The following MAGI2 variants were observed in gnomAD, a reference collection of about 807,000 sequenced individuals.
The protein encoded by MAGI2 is membrane-associated guanylate kinase, WW and PDZ domain-containing protein 2.
MAGI2 carries 35 observed loss-of-function variants against 133.3 expected under a neutral mutation model. That is an observed-to-expected ratio of 0.26 (90% CI 0.20 to 0.35). MAGI2 has a LOEUF of 0.35. MAGI2 is among the 10% of genes least tolerant of loss of function. The probability of loss-of-function intolerance (pLI) is 1.00; values close to 1 mark genes in which losing one functional copy is unlikely to be tolerated. For synonymous variants in MAGI2, 729 were observed against 710.6 expected (o/e 1.03, Z -0.41); for missense variants, 1,636 against 1,863.4 (o/e 0.88, Z 2.25).
chr7:78,691,996 G>C (rs563381816), intron 2 of MAGI2, among the ~76,000 whole-genome samples: 1 of 152,064 alleles, frequency 6.6e-6, no homozygotes, highest in African/African-American at 2.4e-5. Flanking sequence ...TTTTGCATGC[G>C]TCGGGGCAGG....
At chr7:78,779,403 A>C (rs1826230163) in intron 2 of MAGI2, among the ~76,000 whole-genome samples, 1 of 152,168 alleles carries the variant, frequency 6.6e-6, no homozygotes, top group Non-Finnish European at 1.5e-5. Flanking sequence ...TACTTTCCTG[A>C]AGGCACCTGA....
chr7:78,795,677 A>T (rs37867), intron 2 of MAGI2, among the ~76,000 whole-genome samples: 9 of 151,980 alleles, frequency 5.9e-5, no homozygotes, highest in Admixed American at 1.3e-4. Flanking sequence ...GAATCACAAA[A>T]GGCTCCAAAT....
chr7:79,327,770 G>A (rs895681288), intron 1 of MAGI2, among the ~76,000 whole-genome samples: 4 of 152,000 alleles, frequency 2.6e-5, no homozygotes, highest in African/African-American at 7.2e-5. Flanking sequence ...GTAAAACACA[G>A]TCAAATGCAA....
intron 6 of MAGI2, among the ~76,000 whole-genome samples, chr7:78,478,028 C>T (rs1288890003): frequency 2.0e-5 from 3 of 151,760 alleles, no homozygotes; most frequent in Admixed American, 2.0e-4. Context: ...CACCCATTAA[C>T]CCATCATCTA....
At chr7:79,089,401 C>T (rs1816844241) in intron 1 of MAGI2, among the ~76,000 whole-genome samples, 1 of 152,056 alleles carries the variant, frequency 6.6e-6, no homozygotes, top group Admixed American at 6.6e-5. Context: ...TGTGGTGATT[C>T]CTCAAGGATC....
At chr7:78,600,424 A>C (rs1805076819) in intron 3 of MAGI2, among the ~76,000 whole-genome samples, 1 of 152,108 alleles carries the variant, frequency 6.6e-6, no homozygotes, top group Non-Finnish European at 1.5e-5. Flanking sequence ...CTATCCATGA[A>C]ATAAAAATAT....
chr7:78,574,597 A>G (rs1366466848), intron 3 of MAGI2, among the ~76,000 whole-genome samples: 1 of 152,220 alleles, frequency 6.6e-6, no homozygotes, highest in Non-Finnish European at 1.5e-5. Context: ...TGTTTAACAT[A>G]TAGTTAGATC....
At chr7:79,290,158 C>A (rs373437289) in intron 1 of MAGI2, among the ~76,000 whole-genome samples, 1 of 151,950 alleles carries the variant, frequency 6.6e-6, no homozygotes, top group East Asian at 1.9e-4. Context: ...TTAGTGACTT[C>A]TAAGGGTACT....
chr7:79,406,565 CTT>C lies in MAGI2; in HGVS notation c.301+46453_301+46454del, dbSNP rs1298805354. Among the ~76,000 whole-genome samples the C allele has an allele frequency of 2.6e-5, 4 of 152,022 alleles. No individual in the cohort carries two copies. The South Asian group carries it at 8.3e-4, about 32-fold the overall frequency. Reference sequence around the variant, plus strand: ...AAGGTTGGGAGGCTGAACCAGGAAACTTTGAGTTTATGTCAATAAACAGGTTC... The same window carrying C: ...AAGGTTGGGAGGCTGAACCAGGAAACTGAGTTTATGTCAATAAACAGGTTC... On this transcript the variant is annotated intron_variant, in intron 1 of 21. Transcript: ENST00000354212.
chr7:78,843,113 T>C (rs989033604), intron 2 of MAGI2, among the ~76,000 whole-genome samples: 2 of 151,878 alleles, frequency 1.3e-5, no homozygotes, highest in African/African-American at 4.8e-5. Context: ...AGGAGTCTTG[T>C]GTGTTATAGG....
At chr7:78,150,701 T>G (rs1214822380) in intron 16 of MAGI2, among the ~76,000 whole-genome samples, 2 of 152,210 alleles carry the variant, frequency 1.3e-5, no homozygotes, top group African/African-American at 2.4e-5. Context: ...GGTAAGAAGA[T>G]ATCCACCTTA....
intron 9 of MAGI2, among the ~76,000 whole-genome samples, chr7:78,266,078 G>A (rs938825606): frequency 6.6e-6 from 1 of 152,212 alleles, no homozygotes; most frequent in Non-Finnish European, 1.5e-5. Context: ...AAGGATGGAT[G>A]CATCCATTTC....
intron 1 of MAGI2, among the ~76,000 whole-genome samples, chr7:79,398,309 G>A (rs189702905): frequency 5.9e-5 from 9 of 152,188 alleles, no homozygotes; most frequent in East Asian, 3.9e-4. Flanking sequence ...CTATCCATTC[G>A]GCCTGTGTCT....
At chr7:78,876,285 G>A (rs1795411169) in intron 2 of MAGI2, among the ~76,000 whole-genome samples, 1 of 124,228 alleles carries the variant, frequency 8.0e-6, no homozygotes, top group African/African-American at 3.0e-5. Flanking sequence ...TCACGCCACT[G>A]CACTCCAGCC....
intron 16 of MAGI2, among the ~76,000 whole-genome samples, chr7:78,153,624 T>C (rs1049845000): frequency 6.6e-6 from 1 of 152,200 alleles, no homozygotes; most frequent in Admixed American, 6.5e-5. Context: ...TAGGAGCCAT[T>C]TTCATTATGT....
At chr7:78,643,088 A>G (rs555153075) in intron 2 of MAGI2, among the ~76,000 whole-genome samples, 82 of 152,352 alleles carry the variant, frequency 5.4e-4, no homozygotes, top group African/African-American at 1.7e-3. Context: ...ATCATTACAC[A>G]TTGTATACAT....
chr7:78,845,983 C>T (rs1792569488), intron 2 of MAGI2, among the ~76,000 whole-genome samples: 1 of 151,866 alleles, frequency 6.6e-6, no homozygotes, highest in East Asian at 1.9e-4. Context: ...CAGGTAAAAC[C>T]GTTGGTAGTA....
At chr7:78,110,837 G>T (rs11765218) in intron 20 of MAGI2, among the ~76,000 whole-genome samples, 15,580 of 152,146 alleles carry the variant, frequency 0.1, 1,078 homozygotes, top group Non-Finnish European at 0.16. Context: ...TGCCAATCAG[G>T]AGAACACTTC....
intron 1 of MAGI2, among the ~76,000 whole-genome samples, chr7:79,285,491 A>G (rs182580289): frequency 6.6e-6 from 1 of 152,226 alleles, no homozygotes; most frequent in Admixed American, 6.6e-5. Context: ...CTGATTTAAA[A>G]CAGCCTTCAA....
Sources: allele counts gnomAD v4.1 joint callset (sites outside exome capture counted in the v4.1 genomes callset), GRCh38; gene constraint gnomAD v4.1.1; transcripts MANE v1.5; gene names NCBI Gene and HGNC (gene_info 2026-07-23, HGNC 2026-07-21).